RALGPS1: variants seen among roughly 807,000 people sequenced by gnomAD.
RALGPS1 encodes ras-specific guanine nucleotide-releasing factor RalGPS1.
RALGPS1 carries 19 observed loss-of-function variants against 78.8 expected under a neutral mutation model. That is an observed-to-expected ratio of 0.24 (90% CI 0.17 to 0.35). RALGPS1 has a LOEUF of 0.35. RALGPS1 is among the 10% of genes least tolerant of loss of function. RALGPS1 has a pLI of 1.00. For synonymous variants in RALGPS1, 228 were observed against 256.3 expected, an observed-to-expected ratio of 0.89 and a Z score of 1.06; for missense variants, 454 against 688.3, an observed-to-expected ratio of 0.66 and a Z score of 3.81.
chr9:127,134,467 A>T (rs1483580413), intron 8 of RALGPS1, among the ~76,000 whole-genome samples: 1 of 152,302 alleles, frequency 6.6e-6, no homozygotes, highest in Admixed American at 6.5e-5. Context: ...TTTTGAAAAA[A>T]TCTATCAGTA....
intron 8 of RALGPS1, among the ~76,000 whole-genome samples, chr9:127,148,533 G>A (rs971403762): frequency 4.6e-5 from 7 of 152,248 alleles, no homozygotes; most frequent in African/African-American, 1.4e-4. Flanking sequence ...GCCAGGCACC[G>A]TGTTGGTTTG....
chr9:127,051,395 C>T (rs962726066), intron 6 of RALGPS1, among the ~76,000 whole-genome samples: 2 of 152,150 alleles, frequency 1.3e-5, no homozygotes, highest in African/African-American at 4.8e-5. Flanking sequence ...CTTGTGCAAG[C>T]CCCTTCCTTT....
rs181580195 is a variant in RALGPS1 at position 127,035,732 on chromosome 9, G to A, written c.300+1218G>A. 4.3e-4 allele frequency among the ~76,000 whole-genome samples: 66 copies of A among 152,268 alleles called. No individual in the cohort carries two copies. The East Asian group carries it at 0.011, about 26-fold the overall frequency. The stretch of plus-strand genomic sequence containing the variant: ...GCTTGTAGTTTGAAGATTGAGGCTC[G>A]AATTAGCATTATTATTATTTGATGA... On this transcript the variant is annotated intron_variant, in intron 5 of 18. Coordinates refer to ENST00000259351, the MANE Select transcript of RALGPS1 (RefSeq NM_014636.3).
chr9:127,164,310 A>T (rs1474325461), intron 8 of RALGPS1, among the ~76,000 whole-genome samples: 7 of 151,892 alleles, frequency 4.6e-5, no homozygotes, highest in Admixed American at 6.6e-5. Context: ...ATCTCAGCTC[A>T]CTGCAACCTC....
At chr9:127,033,678 A>G (rs1055355745) in intron 4 of RALGPS1, among the ~76,000 whole-genome samples, 5 of 152,178 alleles carry the variant, frequency 3.3e-5, no homozygotes, top group Non-Finnish European at 5.9e-5. Flanking sequence ...GGGCATTTGG[A>G]TGATGGCTTC....
chr9:126,989,027 A>G (rs1338946850), intron 4 of RALGPS1, among the ~76,000 whole-genome samples: 1 of 152,136 alleles, frequency 6.6e-6, no homozygotes, highest in Non-Finnish European at 1.5e-5. Context: ...TGAGCCTAGG[A>G]GTTTGAGGCC....
At chr9:127,111,604 T>A (rs957293904) in intron 8 of RALGPS1, among the ~76,000 whole-genome samples, 1 of 152,194 alleles carries the variant, frequency 6.6e-6, no homozygotes, top group African/African-American at 2.4e-5. Context: ...GGCCTATGTG[T>A]GTATTTATTA....
intron 11 of RALGPS1, among the ~76,000 whole-genome samples, chr9:127,179,335 G>A (rs2060074454): frequency 6.6e-6 from 1 of 152,176 alleles, no homozygotes; most frequent in South Asian, 2.1e-4. Context: ...GCTGTGGGGT[G>A]GCCTGGGGTC....
intron 8 of RALGPS1, among the ~76,000 whole-genome samples, chr9:127,109,463 G>T (rs1216981334): frequency 1.3e-5 from 2 of 152,210 alleles, no homozygotes; most frequent in African/African-American, 4.8e-5. Flanking sequence ...CGTGGCTCTG[G>T]TCACTGTGTT....
chr9:127,130,096 T>C (rs2056903939), intron 8 of RALGPS1, among the ~76,000 whole-genome samples: 1 of 152,158 alleles, frequency 6.6e-6, no homozygotes, highest in African/African-American at 2.4e-5. Flanking sequence ...TGTTGGACCA[T>C]AGGTGACTTG....
intron 1 of RALGPS1, among the ~76,000 whole-genome samples, chr9:126,916,650 C>G (rs551468942): frequency 6.2e-4 from 94 of 152,240 alleles, no homozygotes; most frequent in African/African-American, 1.5e-3. Flanking sequence ...GGCATGGTGG[C>G]GGGCACCTGT....
At chr9:127,169,302 C>A (rs374616306) in intron 10 of RALGPS1, among the ~76,000 whole-genome samples, 5 of 152,218 alleles carry the variant, frequency 3.3e-5, no homozygotes, top group African/African-American at 1.2e-4. Context: ...ACCTCCTTCC[C>A]CGTAGAGCCC....
At chr9:127,024,068 C>A (rs1270056000) in intron 4 of RALGPS1, among the ~76,000 whole-genome samples, 5 of 143,844 alleles carry the variant, frequency 3.5e-5, no homozygotes, top group African/African-American at 5.3e-5. Flanking sequence ...ACAGAAGCAC[C>A]TAGTGGTCAT....
intron 1 of RALGPS1, among the ~76,000 whole-genome samples, chr9:126,953,333 A>G (rs1166223619): frequency 1.3e-5 from 2 of 152,006 alleles, no homozygotes; most frequent in African/African-American, 2.4e-5. Flanking sequence ...TCCAGGGAGG[A>G]ATTAGCAGCC....
Position 127,166,184 on chromosome 9 carries a change from T to C in RALGPS1, c.726T>C (p.Asp242=). The C allele has an allele frequency of 1.2e-6, 2 of 1,613,488 alleles. No homozygotes were observed. Among genetic ancestry groups the C allele is most frequent in the Non-Finnish European group, 1.7e-6 (2 of 1,179,866 alleles). ...QMNNILRIIA[D]LQVSCSYDHL... ...ACAATATTCTTCGAATAATTGCTGA[T>C]TTACAAGTTTCCTGCAGCTATGGTT... The change falls in exon 9 of 19, where the codon GAT becomes GAC. Residue 242 remains aspartate, a synonymous_variant. Transcript: ENST00000259351.
In RALGPS1 at chr9:127,218,731, C is replaced by G. The variant is rs1028842278; in HGVS notation, c.1645-9C>G. The G allele has an allele frequency of 6.2e-7, 1 of 1,613,770 alleles. No individual in the cohort carries two copies. Among genetic ancestry groups the G allele is most frequent in the African/African-American group, 1.3e-5 (1 of 74,922 alleles). On this transcript the variant is annotated splice_polypyrimidine_tract_variant and intron_variant, in intron 18 of 18. Transcript: ENST00000259351. This position sits in a 1 kb window ranked among gnomAD's most constrained non-coding sequence, Gnocchi z 4.4. ...GAACTTTAACAAGAGGCTGAGCTTTCTCTTCTAGGTACCTGCAAACCTTAT... is the reference window on the plus strand; with the variant it reads ...GAACTTTAACAAGAGGCTGAGCTTTGTCTTCTAGGTACCTGCAAACCTTAT...
chr9:127,033,085 A>G (rs2046562203), intron 4 of RALGPS1, among the ~76,000 whole-genome samples: 1 of 152,228 alleles, frequency 6.6e-6, no homozygotes, highest in Non-Finnish European at 1.5e-5. Context: ...TGGTAGCACC[A>G]GTGAATTCTG....
In RALGPS1 at chr9:127,193,225, A is replaced by G. The variant is rs961257755; in HGVS notation, c.911-1866A>G. Among the ~76,000 whole-genome samples the G allele has an allele frequency of 3.9e-5, 6 of 152,182 alleles. No individual in the cohort carries two copies. In the South Asian group the frequency reaches 6.2e-4, roughly 16 times the overall value. ...AAGGCCAGTGTGAATGGAGGTGTGC[A>G]TGGCCACTGCAAGGGTGGCTGTGAG... is the stretch of plus-strand genomic sequence containing the variant. On this transcript the variant is annotated intron_variant, in intron 11 of 18. Coordinates refer to ENST00000259351, the MANE Select transcript of RALGPS1 (RefSeq NM_014636.3).
chr9:126,937,092 C>T (rs542551220), intron 1 of RALGPS1, among the ~76,000 whole-genome samples: 42 of 152,172 alleles, frequency 2.8e-4, no homozygotes, highest in Non-Finnish European at 4.6e-4. Context: ...TCAGGTGATC[C>T]GCCCACCTTG....
Sources: allele counts gnomAD v4.1 joint callset (sites outside exome capture counted in the v4.1 genomes callset), GRCh38; gene constraint gnomAD v4.1.1; non-coding constraint Gnocchi (gnomAD v3.1); transcripts MANE v1.5; gene names NCBI Gene and HGNC (gene_info 2026-07-23, HGNC 2026-07-21).